The following ADAMTS4 variants were observed in gnomAD, a reference collection of about 807,000 sequenced individuals.
The protein encoded by ADAMTS4 is ADAM metallopeptidase with thrombospondin type 1 motif 4.
In ADAMTS4, 38 loss-of-function variants were observed where a neutral mutation model predicts 66.7. That is an observed-to-expected ratio of 0.57 (90% CI 0.44 to 0.75). The LOEUF (loss-of-function observed/expected upper bound fraction) is 0.75. Ranked by LOEUF, ADAMTS4 falls within the 30% of genes least tolerant of loss-of-function variation. The probability of loss-of-function intolerance (pLI) is 0.00; values close to 1 mark genes in which losing one functional copy is unlikely to be tolerated. For synonymous variants in ADAMTS4, 418 were observed against 461.5 expected (o/e 0.91, Z 1.21); for missense variants, 1,014 against 1,116.7 (o/e 0.91, Z 1.31).
chr1:161,194,275 G>T lies in ADAMTS4; in HGVS notation c.1262-54C>A. 2 of 1,557,136 alleles carry T rather than the reference G, an allele frequency of 1.3e-6. No individual in the cohort carries two copies. Among genetic ancestry groups the T allele is most frequent in the Non-Finnish European group, 1.8e-6 (2 of 1,142,008 alleles). ...GCAACGGGCTGAGGGGAGCATTCAG[G>T]ATTGCCAGCAGAAAGCTTAGGCTCC... On this transcript the variant is annotated intron_variant, in intron 4 of 8. Coordinates refer to ENST00000367996, the MANE Select transcript of ADAMTS4 (RefSeq NM_005099.6). The surrounding 1 kb of genome is among the most constrained non-coding windows in gnomAD (Gnocchi z 4.1).
intron 3 of ADAMTS4, 142 bp downstream of exon 3, chr1:161,196,029 C>G (rs1664817942): frequency 9.6e-7 from 1 of 1,040,526 alleles, no homozygotes; most frequent in Non-Finnish European, 1.4e-6. Flanking sequence ...TATGTCTACA[C>G]CTGGAGCAGA....
rs929077922 is a variant in ADAMTS4, at chr1:161,190,596, T to C, written c.*542A>G. On this transcript the variant is annotated 3_prime_UTR_variant, in exon 9 of 9. Coordinates refer to ENST00000367996, the MANE Select transcript of ADAMTS4 (RefSeq NM_005099.6). ...AGGCCCACCCTACCCTTGACTTTTC[T>C]TTTCCCAAAAAATAAAATTCAGGAA... The C allele has an allele frequency of 1.3e-5, 2 of 151,930 alleles. No homozygotes were observed. The highest frequency in any genetic ancestry group is 6.6e-5 in the Admixed American group (1 of 15,206). 9.4% of individuals were successfully genotyped at this position (151,930 alleles called of 1,614,324 possible). A position where few individuals can be genotyped will look rare whatever the true frequency, so the allele number is the denominator to read the frequency against.
intron 2 of ADAMTS4, 63 bp downstream of exon 2, chr1:161,196,493 TC>T: frequency 4.5e-6 from 7 of 1,556,644 alleles, no homozygotes; most frequent in Non-Finnish European, 6.1e-6. Context: ...TGCATCATAG[TC>T]TATGTAGTGG....
rs1451657156 is a variant in ADAMTS4, at chr1:161,198,607, A to T, written c.21T>A (p.His7Gln). 1.7e-5 allele frequency: 26 copies of T among 1,533,794 alleles called. No individual in the cohort carries two copies. The highest frequency in any genetic ancestry group is 2.1e-5 in the Non-Finnish European group (24 of 1,137,692). Reference sequence around the variant, plus strand: ...AGCGCCCTGCCAAGCCCCTCCCGGGATGCGAGCCTGTCTGGGACATGGCAC... The same window carrying T: ...AGCGCCCTGCCAAGCCCCTCCCGGGTTGCGAGCCTGTCTGGGACATGGCAC... MSQTGS[H>Q]PGRGLAGRWL... The change falls in exon 1 of 9, where the codon CAT (histidine) becomes CAA (glutamine). Residue 7 changes from histidine (H) to glutamine (Q), a missense_variant. Physicochemically the swap from His to Gln is conservative, Grantham distance 24. Transcript: ENST00000367996. This position sits in a 1 kb window ranked among gnomAD's most constrained non-coding sequence, Gnocchi z 4.7.
intron 3 of ADAMTS4, 162 bp from the exon 4 acceptor site, chr1:161,195,797 A>G: frequency 1.5e-6 from 1 of 654,170 alleles, no homozygotes; most frequent in Non-Finnish European, 2.5e-6. Flanking sequence ...CCCAGTATGT[A>G]GCCCCGTCTC....
Position 161,191,408 on chromosome 1 carries a change from G to C in ADAMTS4, c.2244C>G (p.Pro748=). ...CTGCCCCAGGCAGTACCACATCTGT[G>C]GGGGAGGGCATCAGCGTGTATTCAC... ...LNGEYTLMPS[P]TDVVLPGAVS... The change falls in exon 9 of 9, where the codon CCC becomes CCG. Residue 748 remains proline (P), a synonymous_variant. Coordinates refer to ENST00000367996, the MANE Select transcript of ADAMTS4 (RefSeq NM_005099.6). 1.9e-6 allele frequency: 3 copies of C among 1,614,108 alleles called. No homozygotes were observed. Among genetic ancestry groups the C allele is most frequent in the Non-Finnish European group, 2.5e-6 (3 of 1,180,034 alleles).
In ADAMTS4 at chr1:161,184,800, C is replaced by CT. The variant is rs1664507822; in HGVS notation, c.*6337dup. ...TTGGGAGGCCGAGGCAGGCAGATCA[C>CT]TTGAGCCCGGGAGTTCAAGACCAGC... is the stretch of plus-strand genomic sequence containing the variant. On this transcript the variant is annotated 3_prime_UTR_variant, in exon 9 of 9. Coordinates refer to ENST00000367996, the MANE Select transcript of ADAMTS4 (RefSeq NM_005099.6). The CT allele has an allele frequency of 6.6e-6, 1 of 152,126 alleles. No individual in the cohort carries two copies. Among genetic ancestry groups the CT allele is most frequent in the African/African-American group, 2.4e-5 (1 of 41,406 alleles). The allele number at this position is 152,126 out of a possible 1,614,324, so 9.4% of individuals were successfully genotyped here.
rs903301843 is a variant in ADAMTS4 at position 161,186,325 on chromosome 1, G to A, written c.*4813C>T. The A allele has an allele frequency of 1.3e-5, 2 of 152,226 alleles. No individual in the cohort carries two copies. Among genetic ancestry groups the A allele is most frequent in the Non-Finnish European group, 2.9e-5 (2 of 68,060 alleles). The allele number at this position is 152,226 out of a possible 1,614,324, so 9.4% of individuals were successfully genotyped here. A position where few individuals can be genotyped will look rare whatever the true frequency, so the allele number is the denominator to read the frequency against. On this transcript the variant is annotated 3_prime_UTR_variant, in exon 9 of 9. Transcript: ENST00000367996. Reference sequence around the variant, plus strand: ...AATCTGGGTCTTGGAGGTGTGGTAAGGCAGAGACCATTCCAGAAAAGGGTC... The same window carrying A: ...AATCTGGGTCTTGGAGGTGTGGTAAAGCAGAGACCATTCCAGAAAAGGGTC...
In ADAMTS4 at chr1:161,196,256, C is replaced by T. The variant is rs373855948; in HGVS notation, c.1005G>A (p.Val335=). ...STCDTLGMAD[V]GTVCDPARSC... is the part of the protein sequence containing the mutation. ...TCCGAGCCGGGTCACAGACGGTGCCCACATCAGCCATACCCAGCGTGTCGC... is the reference window on the plus strand; with the variant it reads ...TCCGAGCCGGGTCACAGACGGTGCCTACATCAGCCATACCCAGCGTGTCGC... Residue 335 remains valine, a synonymous_variant, in exon 3 of 9, where the codon GTG becomes GTA. Coordinates refer to ENST00000367996, the MANE Select transcript of ADAMTS4 (RefSeq NM_005099.6). 1 of 1,613,776 alleles carries T rather than the reference C, an allele frequency of 6.2e-7. No individual in the cohort carries two copies. The highest frequency in any genetic ancestry group is 1.1e-5 in the South Asian group (1 of 91,058).
chr1:161,198,645 T>G lies in ADAMTS4; in HGVS notation c.-18A>C. On this transcript the variant is annotated 5_prime_UTR_variant, in exon 1 of 9. Transcript: ENST00000367996. This position sits in a 1 kb window ranked among gnomAD's most constrained non-coding sequence, Gnocchi z 4.7. ...TGGGACATGGCACTGGTACTGCAGCTGGGAGGGACTGAGGCCGTCTAGGGC... is the reference window on the plus strand; with the variant it reads ...TGGGACATGGCACTGGTACTGCAGCGGGGAGGGACTGAGGCCGTCTAGGGC... The G allele has an allele frequency of 6.7e-7, 1 of 1,484,864 alleles. No homozygotes were observed. Among genetic ancestry groups the G allele is most frequent in the Non-Finnish European group, 9.0e-7 (1 of 1,114,358 alleles). 92.0% of individuals were successfully genotyped at this position (1,484,864 alleles called of 1,614,324 possible).
At position 161,188,741 on chromosome 1, in the gene ADAMTS4, CG is replaced by C. The variant is rs1206189782; in HGVS notation, c.*2396del. 3 of 149,374 alleles carry C rather than the reference CG, an allele frequency of 2.0e-5. No individual in the cohort carries two copies. The highest frequency in any genetic ancestry group is 4.9e-5 in the African/African-American group (2 of 40,564). 9.3% of individuals were successfully genotyped at this position (149,374 alleles called of 1,614,324 possible). ...TTTTGTTTTTGTTTTTGTATCGAGA[CG>C]AGTCTCACTCTGTCTCCCAGGCTGG... On this transcript the variant is annotated 3_prime_UTR_variant, in exon 9 of 9. Transcript: ENST00000367996.
chr1:161,191,446 A>G lies in ADAMTS4; in HGVS notation c.2206T>C (p.Tyr736His), dbSNP rs1664678314. Residue 736 changes from tyrosine to histidine, a missense_variant, in exon 9 of 9, where the codon TAT becomes CAT. Transcript: ENST00000367996. ...AGCGTGTATTCACCATTGAGGGCAT[A>G]GGAGCCATCTGGCAGCTTCAGGGCC... ...YLALKLPDGS[Y>H]ALNGEYTLMP... 6.2e-7 allele frequency: 1 copy of G among 1,614,080 alleles called. No homozygotes were observed. Among genetic ancestry groups the G allele is most frequent in the Admixed American group, 1.7e-5 (1 of 60,010 alleles).
intron 3 of ADAMTS4, 88 bp from the exon 4 acceptor site, chr1:161,195,723 T>C (rs1323608822): frequency 7.4e-7 from 1 of 1,360,458 alleles, no homozygotes. Flanking sequence ...CAGCTGTGGA[T>C]GATCAGATCC....
Position 161,193,536 on chromosome 1 carries a change from C to A in ADAMTS4, c.1735+104G>T, listed in dbSNP as rs1664732734. 9 of 1,520,856 alleles carry A rather than the reference C, an allele frequency of 5.9e-6. No individual in the cohort carries two copies. The highest frequency in any genetic ancestry group is 2.7e-6 in the Non-Finnish European group (3 of 1,126,012). The allele number at this position is 1,520,856 out of a possible 1,614,324, so 94.2% of individuals were successfully genotyped here. The stretch of plus-strand genomic sequence containing the variant: ...ATTCCCAGAGGTTAAAGGCACTCCC[C>A]ACAGCAGCAGGGGAATCAACACCCC... On this transcript the variant is annotated intron_variant, in intron 6 of 8. Coordinates refer to ENST00000367996, the MANE Select transcript of ADAMTS4 (RefSeq NM_005099.6). This position sits in a 1 kb window ranked among gnomAD's most constrained non-coding sequence, Gnocchi z 4.4.
Position 161,188,373 on chromosome 1 carries a change from G to C in ADAMTS4, c.*2765C>G, listed in dbSNP as rs1188916373. ...CCTATTTTAGCCTCCCAAGTAGCTG[G>C]GACTACAGGTGCCACCACGCCCGGC... On this transcript the variant is annotated 3_prime_UTR_variant, in exon 9 of 9. Coordinates refer to ENST00000367996, the MANE Select transcript of ADAMTS4 (RefSeq NM_005099.6). 1 of 150,266 alleles carries C rather than the reference G, an allele frequency of 6.7e-6. No individual in the cohort carries two copies. Among genetic ancestry groups the C allele is most frequent in the African/African-American group, 2.5e-5 (1 of 40,700 alleles). 9.3% of individuals were successfully genotyped at this position (150,266 alleles called of 1,614,324 possible). A position where few individuals can be genotyped will look rare whatever the true frequency, so the allele number is the denominator to read the frequency against.
In ADAMTS4 at chr1:161,193,231, G is replaced by A. The variant is rs116198355; in HGVS notation, c.1893C>T (p.Tyr631=). The part of the protein sequence containing the change: ...LTCQAQALGY[Y]YVLEPRVVDG... ...CCCTCACCCGTGGCTCCAGCACATA[G>A]TAGTAGCCCAGTGCCTGGGCCTGGC... The change falls in exon 7 of 9, where the codon TAC becomes TAT. Residue 631 remains tyrosine, a synonymous_variant. Transcript: ENST00000367996. This position sits in a 1 kb window ranked among gnomAD's most constrained non-coding sequence, Gnocchi z 4.4. 1,291 of 1,613,756 alleles carry A rather than the reference G, an allele frequency of 8.0e-4. 14 individuals are homozygous for A. In the East Asian group the frequency reaches 0.027, roughly 33 times the overall value.
rs34044235 is a variant in ADAMTS4 at position 161,188,231 on chromosome 1, CTTTTTTTTTTTTTT to C, written c.*2893_*2906del. The C allele has an allele frequency of 1.7e-5, 1 of 58,682 alleles. No homozygotes were observed. Among genetic ancestry groups the C allele is most frequent in the African/African-American group, 6.4e-5 (1 of 15,510 alleles). The allele number at this position is 58,682 out of a possible 1,614,324, so 3.6% of individuals were successfully genotyped here. A position where few individuals can be genotyped will look rare whatever the true frequency, so the allele number is the denominator to read the frequency against. On this transcript the variant is annotated 3_prime_UTR_variant, in exon 9 of 9. Coordinates refer to ENST00000367996, the MANE Select transcript of ADAMTS4 (RefSeq NM_005099.6). ...CAGGTGTGAGCCACCATGCCTGGCC[CTTTTTTTTTTTTTT>C]TTTTTTTTTTTGAGTTGGTGTTTTG...
chr1:161,197,001 C>A, intron 1 of ADAMTS4, 121 bp from the exon 2 acceptor site: 1 of 935,182 alleles, frequency 1.1e-6, no homozygotes. Flanking sequence ...GCCCCACACA[C>A]CCCACGGGAT....
rs990151370 is a variant in ADAMTS4, at chr1:161,194,299, C to A, written c.1262-78G>T. 20 of 1,412,540 alleles carry A rather than the reference C, an allele frequency of 1.4e-5. No individual in the cohort carries two copies. The highest frequency in any genetic ancestry group is 1.8e-4 in the Middle Eastern group (1 of 5,448). 87.5% of individuals were successfully genotyped at this position (1,412,540 alleles called of 1,614,324 possible). Reference sequence around the variant, plus strand: ...GGATTGCCAGCAGAAAGCTTAGGCTCCCTGGGGCCTGATGGAGCCTAGAAA... The same window carrying A: ...GGATTGCCAGCAGAAAGCTTAGGCTACCTGGGGCCTGATGGAGCCTAGAAA... On this transcript the variant is annotated intron_variant, in intron 4 of 8. Coordinates refer to ENST00000367996, the MANE Select transcript of ADAMTS4 (RefSeq NM_005099.6). This position sits in a 1 kb window ranked among gnomAD's most constrained non-coding sequence, Gnocchi z 4.1.
Sources: gnomAD v4.1 joint callset for allele counts on GRCh38, gnomAD v4.1.1 for gene constraint, Gnocchi (gnomAD v3.1) non-coding constraint, MANE v1.5 for transcripts, NCBI Gene and HGNC (gene_info 2026-07-23, HGNC 2026-07-21) for gene names.